EPHX3: variants seen among roughly 807,000 people sequenced by gnomAD.
The protein encoded by EPHX3 is epoxide hydrolase 3.
In EPHX3, 39 loss-of-function variants were observed where a neutral mutation model predicts 40.2. The observed-to-expected ratio is 0.97, with a 90% CI of 0.75 to 1.27. The LOEUF (loss-of-function observed/expected upper bound fraction) is 1.27, where lower values mean the gene tolerates loss of function less well. EPHX3 is among the 50% of genes most tolerant of loss of function. The pLI, the probability that EPHX3 is intolerant of heterozygous loss-of-function variation, is 0.00. For synonymous variants in EPHX3, 213 were observed against 209.7 expected (o/e 1.02, Z -0.14); for missense variants, 442 against 474.0 (o/e 0.93, Z 0.63).
intron 4 of EPHX3, among the ~76,000 whole-genome samples, chr19:15,229,922 GA>G (rs1404750566): frequency 2.5e-5 from 2 of 81,562 alleles, no homozygotes; most frequent in African/African-American, 4.8e-5. Flanking sequence ...GAAAAGAAAA[GA>G]AAAAGAAAAA....
chr19:15,231,851 A>C lies in EPHX3; in HGVS notation c.254T>G (p.Leu85Arg). ...HGFLNLKSSGLRLHYVSAGRG... is the reference protein window; with the variant it reads ...HGFLNLKSSGRRLHYVSAGRG... The stretch of plus-strand genomic sequence containing the variant: ...TCCAGCCGAGACATAGTGCAGACGC[A>C]GGCCCGAGCTCTAGGGGGAGGGCAC... Residue 85 changes from leucine to arginine, a missense_variant, in exon 2 of 7, where the codon CTG becomes CGG. Physicochemically the swap from Leu to Arg is moderately radical, Grantham distance 102 (BLOSUM62 -2). Coordinates refer to ENST00000221730, the MANE Select transcript of EPHX3 (RefSeq NM_024794.3). The C allele has an allele frequency of 6.2e-7, 1 of 1,613,850 alleles. No homozygotes were observed. The highest frequency in any genetic ancestry group is 1.7e-5 in the Admixed American group (1 of 60,028).
chr19:15,234,689 T>TA (rs2047178830), upstream of EPHX3, among the ~76,000 whole-genome samples: 1 of 152,238 alleles, frequency 6.6e-6, no homozygotes, highest in Non-Finnish European at 1.5e-5. Flanking sequence ...GTTTCCCTGT[T>TA]AGTTTCCTTT....
chr19:15,233,839 C>A (rs567662588), upstream of EPHX3, among the ~76,000 whole-genome samples: 5 of 152,126 alleles, frequency 3.3e-5, no homozygotes, highest in East Asian at 9.7e-4. Context: ...CCGAGGCGGG[C>A]GGATCACGAG....
chr19:15,234,996 GT>G (rs899244616), upstream of EPHX3, among the ~76,000 whole-genome samples: 1 of 151,898 alleles, frequency 6.6e-6, no homozygotes, highest in South Asian at 2.1e-4. Context: ...AGCTTTGGGG[GT>G]TTTTTTGTTT....
At position 15,231,737 on chromosome 19, in the gene EPHX3, C is replaced by T. The variant is rs773949353; in HGVS notation, c.329+39G>A. 6 of 1,604,906 alleles carry T rather than the reference C, an allele frequency of 3.7e-6. No individual in the cohort carries two copies. In the Admixed American group the frequency reaches 6.7e-5, roughly 18 times the overall value. ...TGGGAGCCCAAGCTCCACCTGCCCC[C>T]GAGTCCCGTGGGCCTCAGGCCCCTG... On this transcript the variant is annotated intron_variant, in intron 2 of 6. Coordinates refer to ENST00000221730, the MANE Select transcript of EPHX3 (RefSeq NM_024794.3).
chr19:15,235,024 G>A (rs1261163566), upstream of EPHX3, among the ~76,000 whole-genome samples: 1 of 151,848 alleles, frequency 6.6e-6, no homozygotes, highest in Non-Finnish European at 1.5e-5. Flanking sequence ...TTTTTGAGAT[G>A]GGAGTCTCAC....
Position 15,232,362 on chromosome 19 carries a change from G to T in EPHX3, c.-151C>A, listed in dbSNP as rs1441480585. The T allele has an allele frequency of 7.3e-7, 1 of 1,374,786 alleles. No individual in the cohort carries two copies. Among genetic ancestry groups the T allele is most frequent in the African/African-American group, 1.5e-5 (1 of 64,876 alleles). The allele number at this position is 1,374,786 out of a possible 1,614,324, so 85.2% of individuals were successfully genotyped here. A position where few individuals can be genotyped will look rare whatever the true frequency, so the allele number is the denominator to read the frequency against. ...TGGGACGCGCTGAAGGAAGAGGCGG[G>T]CGGCTCCGACAGAAAACAGCCAGAG... On this transcript the variant is annotated 5_prime_UTR_variant, in exon 1 of 7. Transcript: ENST00000221730.
upstream of EPHX3, among the ~76,000 whole-genome samples, chr19:15,233,589 G>A (rs2047170091): frequency 1.3e-5 from 2 of 152,378 alleles, no homozygotes; most frequent in Non-Finnish European, 1.5e-5. Flanking sequence ...CCCAGGCTCC[G>A]AGAGCGGGCC....
rs1294263766 is a variant in EPHX3 at position 15,231,243 on chromosome 19, G to T, written c.483C>A (p.Gly161=). 6.2e-7 allele frequency: 1 copy of T among 1,613,914 alleles called. No homozygotes were observed. Among genetic ancestry groups the T allele is most frequent in the Admixed American group, 1.7e-5 (1 of 60,004 alleles). ...AGGATGGGGGTATGTCTGCACCCAGGCCTAGGATGACATCTTTGATGTCCA... is the reference window on the plus strand; with the variant it reads ...AGGATGGGGGTATGTCTGCACCCAGTCCTAGGATGACATCTTTGATGTCCA... ...LLVDIKDVIL[G]LGYSKCILVA... is the part of the protein sequence containing the mutation. The change falls in exon 3 of 7, where the codon GGC becomes GGA. Residue 161 remains glycine, a synonymous_variant. Transcript: ENST00000221730.
chr19:15,236,040 C>CT, upstream of EPHX3: 1 of 152,342 alleles, frequency 6.6e-6, no homozygotes, highest in South Asian at 2.1e-4. Context: ...GAGAAAGTGC[C>CT]TGAGTGGGCA....
chr19:15,228,155 T>A, intron 4 of EPHX3, 55 bp from the exon 5 acceptor site: 1 of 1,380,438 alleles, frequency 7.2e-7, no homozygotes. Flanking sequence ...GGTGGCCCCA[T>A]ACACCTGCAC....
At chr19:15,230,323 C>G (rs759445204) in intron 4 of EPHX3, among the ~76,000 whole-genome samples, 12 of 151,556 alleles carry the variant, frequency 7.9e-5, no homozygotes, top group Non-Finnish European at 1.2e-4. Flanking sequence ...CGTGCACTAC[C>G]ATGCCTGGCT....
upstream of EPHX3, among the ~76,000 whole-genome samples, chr19:15,234,806 C>T (rs1234639973): frequency 6.6e-6 from 1 of 152,182 alleles, no homozygotes; most frequent in Non-Finnish European, 1.5e-5. Flanking sequence ...GGGACCATAA[C>T]TAAGTCCATG....
intron 4 of EPHX3, 133 bp downstream of exon 4, chr19:15,230,829 A>G (rs2047148029): frequency 3.2e-6 from 4 of 1,240,666 alleles, no homozygotes; most frequent in Non-Finnish European, 4.4e-6. Context: ...CCACAACCGA[A>G]GGGACCTGGG....
At position 15,227,571 on chromosome 19, in the gene EPHX3, C is replaced by T. The variant is rs2047121399; in HGVS notation, c.949G>A (p.Ala317Thr). ...DTYLELGLVE[A>T]IGSRFVPGRL... is the part of the protein sequence containing the mutation. ...CCCGGCACAAAGCGGCTGCCGATGG[C>T]TTCCACCAGCCCCAGCTCCAAGTAA... Residue 317 changes from alanine to threonine, a missense_variant, in exon 7 of 7, where the codon GCC becomes ACC. Transcript: ENST00000221730. 3 of 1,614,100 alleles carry T rather than the reference C, an allele frequency of 1.9e-6. No individual in the cohort carries two copies. The Admixed American group carries it at 5.0e-5, about 27-fold the overall frequency.
In EPHX3 at chr19:15,232,442, C is replaced by A; in HGVS notation, c.-231G>T. 1 of 1,346,464 alleles carries A rather than the reference C, an allele frequency of 7.4e-7. No individual in the cohort carries two copies. Among genetic ancestry groups the A allele is most frequent in the Non-Finnish European group, 9.5e-7 (1 of 1,056,378 alleles). 83.4% of individuals were successfully genotyped at this position (1,346,464 alleles called of 1,614,324 possible). A position where few individuals can be genotyped will look rare whatever the true frequency, so the allele number is the denominator to read the frequency against. On this transcript the variant is annotated 5_prime_UTR_variant, in exon 1 of 7. Coordinates refer to ENST00000221730, the MANE Select transcript of EPHX3 (RefSeq NM_024794.3). Reference sequence around the variant, plus strand: ...ACCTGGGCGCGACAGGGACAGGAAACAAGGGTAGGGTGCGGAGGCTGGGGA... The same window carrying A: ...ACCTGGGCGCGACAGGGACAGGAAAAAAGGGTAGGGTGCGGAGGCTGGGGA...
chr19:15,229,957 GCA>G lies in EPHX3; in HGVS notation c.616+1003_616+1004del, dbSNP rs1333283442. 3.5e-5 allele frequency among the ~76,000 whole-genome samples: 5 copies of G among 143,326 alleles called. No homozygotes were observed. The East Asian group carries it at 1.0e-3, about 29-fold the overall frequency. 94.0% of individuals were successfully genotyped at this position (143,326 alleles called of 152,430 possible). A position where few individuals can be genotyped will look rare whatever the true frequency, so the allele number is the denominator to read the frequency against. On this transcript the variant is annotated intron_variant, in intron 4 of 6. Transcript: ENST00000221730. ...AAAAACAACAAAAGAGAGAGAGAGAGCACAGTTATGACCACAGTGCTGCATAT... is the reference window on the plus strand; with the variant it reads ...AAAAACAACAAAAGAGAGAGAGAGAGCAGTTATGACCACAGTGCTGCATAT...
In EPHX3 at chr19:15,232,083, C is replaced by A. The variant is rs201751885; in HGVS notation, c.129G>T (p.Ala43=). The A allele has an allele frequency of 1.8e-4, 281 of 1,564,520 alleles. 2 individuals carry two copies. The African/African-American group carries it at 3.5e-3, about 19-fold the overall frequency. The change falls in exon 1 of 7, where the codon GCG becomes GCT. Residue 43 remains alanine, a synonymous_variant. Transcript: ENST00000221730. ...GGGGCCGGCACAGCACGTGCGTGAG[C>A]GCTATGCAGCCGTAGACCGCCGCGG... is the stretch of plus-strand genomic sequence containing the variant. ...LVAAAVYGCI[A]LTHVLCRPRR... is the part of the protein sequence containing the mutation.
chr19:15,231,071 A>T lies in EPHX3; in HGVS notation c.507T>A (p.Leu169=). The T allele has an allele frequency of 6.2e-7, 1 of 1,614,026 alleles. No homozygotes were observed. Residue 169 remains leucine, a synonymous_variant, in exon 4 of 7, where the codon CTT becomes CTA. Coordinates refer to ENST00000221730, the MANE Select transcript of EPHX3 (RefSeq NM_024794.3). ...GGAGGGCACCCCAGTCATGGGCCAC[A>T]AGGATGCACTTCGAGTAACCTGTGG... is the stretch of plus-strand genomic sequence containing the variant. ...ILGLGYSKCI[L]VAHDWGALLA...
Sources: gnomAD v4.1 joint callset for allele counts (sites outside exome capture counted in the v4.1 genomes callset) on GRCh38, gnomAD v4.1.1 for gene constraint, MANE v1.5 for transcripts, NCBI Gene and HGNC (gene_info 2026-07-23, HGNC 2026-07-21) for gene names.